The following SLC9A5 variants were observed in gnomAD, a reference collection of about 807,000 sequenced individuals.
SLC9A5 encodes the protein solute carrier family 9 member A5, also known as sodium/hydrogen exchanger 5.
SLC9A5 carries 52 observed loss-of-function variants against 91.7 expected under a neutral mutation model. That is an observed-to-expected ratio of 0.57 (90% CI 0.45 to 0.71). SLC9A5 has a LOEUF of 0.71. Among genes scored for constraint, SLC9A5 ranks in the 30% least tolerant of loss-of-function variants. SLC9A5 has a pLI of 0.00. For synonymous variants in SLC9A5, 419 were observed against 474.5 expected (o/e 0.88, Z 1.52); for missense variants, 871 against 1,158.9 (o/e 0.75, Z 3.61).
chr16:67,271,341 A>T lies in SLC9A5; in HGVS notation c.*131A>T, dbSNP rs1424689086. On this transcript the variant is annotated 3_prime_UTR_variant, in exon 16 of 16. Coordinates refer to ENST00000299798, the MANE Select transcript of SLC9A5 (RefSeq NM_004594.3). The stretch of plus-strand genomic sequence containing the variant: ...TGAAGTAGTAATTGGGCTTCCTTGG[A>T]GCTAGTCAGAGGGGTCACCTAAGCT... 6 of 791,188 alleles carry T rather than the reference A, an allele frequency of 7.6e-6. No homozygotes were observed. 49.0% of individuals were successfully genotyped at this position (791,188 alleles called of 1,614,324 possible). A position where few individuals can be genotyped will look rare whatever the true frequency, so the allele number is the denominator to read the frequency against.
rs1198784737 is a variant in SLC9A5 at position 67,256,267 on chromosome 16, A to G, written c.912-202A>G. ...GCACGTTCCTTCCACCTTCCCTTCC[A>G]GGAGACACTGAATGGGAAGCCTGGA... On this transcript the variant is annotated intron_variant, in intron 5 of 15. Coordinates refer to ENST00000299798, the MANE Select transcript of SLC9A5 (RefSeq NM_004594.3). The surrounding 1 kb of genome is among the most constrained non-coding windows in gnomAD (Gnocchi z 4.1). Among the ~76,000 whole-genome samples, 1 of 152,162 alleles carries G rather than the reference A, an allele frequency of 6.6e-6. No homozygotes were observed. Among genetic ancestry groups the G allele is most frequent in the Non-Finnish European group, 1.5e-5 (1 of 68,024 alleles).
Position 67,259,815 on chromosome 16 carries a change from T to C in SLC9A5, c.1716-5T>C, listed in dbSNP as rs774181300. ...TCCAGCACATGTGTCCCCTGCCTCC[T>C]GCAGGAGGGAGAGTGGCAGTGGAGC... On this transcript the variant is annotated splice_region_variant and splice_polypyrimidine_tract_variant and intron_variant, in intron 11 of 15. Coordinates refer to ENST00000299798, the MANE Select transcript of SLC9A5 (RefSeq NM_004594.3). 1.9e-5 allele frequency: 30 copies of C among 1,613,938 alleles called. No homozygotes were observed. The highest frequency in any genetic ancestry group is 2.5e-5 in the Non-Finnish European group (29 of 1,179,846).
rs1278108133 is a variant in SLC9A5, at chr16:67,259,609, C to T, written c.1663C>T (p.Pro555Ser). Residue 555 changes from proline (P) to serine (S), a missense_variant, in exon 11 of 16, where the codon CCT (proline) becomes TCT (serine). Physicochemically the swap from Pro to Ser is moderately conservative, Grantham distance 74 (BLOSUM62 -1). Coordinates refer to ENST00000299798, the MANE Select transcript of SLC9A5 (RefSeq NM_004594.3). ...CTTGTCTTCCACAGGTCTCACTCTG[C>T]CTTCTATGCCCAGCCGCAATTCTGT... ...HVLSSTGLTLPSMPSRNSVAE... is the reference protein window; with the variant it reads ...HVLSSTGLTLSSMPSRNSVAE... 12 of 1,614,168 alleles carry T rather than the reference C, an allele frequency of 7.4e-6. No homozygotes were observed. The highest frequency in any genetic ancestry group is 1.0e-5 in the Non-Finnish European group (12 of 1,180,038).
In SLC9A5 at chr16:67,267,931, C is replaced by T. The variant is rs1009707460; in HGVS notation, c.2218+1706C>T. Among the ~76,000 whole-genome samples, 3 of 152,230 alleles carry T rather than the reference C, an allele frequency of 2.0e-5. No individual in the cohort carries two copies. In the East Asian group the frequency reaches 5.8e-4, roughly 29 times the overall value. Reference sequence around the variant, plus strand: ...CTAAACCTCACCTATGCCCCACCCTCCACTGGGTTCCTTTGATGCAAGTCT... The same window carrying T: ...CTAAACCTCACCTATGCCCCACCCTTCACTGGGTTCCTTTGATGCAAGTCT... On this transcript the variant is annotated intron_variant, in intron 15 of 15. Coordinates refer to ENST00000299798, the MANE Select transcript of SLC9A5 (RefSeq NM_004594.3).
intron 12 of SLC9A5, chr16:67,261,999 C>T (rs2035547048): frequency 3.4e-6 from 1 of 295,816 alleles, no homozygotes; most frequent in Non-Finnish European, 6.7e-6. Flanking sequence ...TGGGTTCAGT[C>T]CAATCGGTTC....
Position 67,256,339 on chromosome 16 carries a change from C to A in SLC9A5, c.912-130C>A, listed in dbSNP as rs2035317180. 7 of 677,916 alleles carry A rather than the reference C, an allele frequency of 1.0e-5. No individual in the cohort carries two copies. The highest frequency in any genetic ancestry group is 1.8e-5 in the Non-Finnish European group (7 of 385,562). 42.0% of individuals were successfully genotyped at this position (677,916 alleles called of 1,614,324 possible). On this transcript the variant is annotated intron_variant, in intron 5 of 15. Transcript: ENST00000299798. The surrounding 1 kb of genome is among the most constrained non-coding windows in gnomAD (Gnocchi z 4.1). ...ACTACCATTCAAGTCTTCAGGCCTC[C>A]CTGGGCTTCAGCTCTGAGAGTCTGA...
chr16:67,255,648 G>A lies in SLC9A5; in HGVS notation c.734-105G>A. 7.3e-7 allele frequency: 1 copy of A among 1,373,028 alleles called. No individual in the cohort carries two copies. The highest frequency in any genetic ancestry group is 1.0e-6 in the Non-Finnish European group (1 of 995,344). The allele number at this position is 1,373,028 out of a possible 1,614,324, so 85.1% of individuals were successfully genotyped here. On this transcript the variant is annotated intron_variant, in intron 4 of 15. Coordinates refer to ENST00000299798, the MANE Select transcript of SLC9A5 (RefSeq NM_004594.3). This position sits in a 1 kb window ranked among gnomAD's most constrained non-coding sequence, Gnocchi z 4.9. ...CCTGGCTCTGGGGTTTTGAGCCCCT[G>A]GGAGTGCGGTGGGCATCATCCCTCA...
intron 13 of SLC9A5, 134 bp downstream of exon 13, chr16:67,264,656 G>A: frequency 1.2e-6 from 1 of 841,686 alleles, no homozygotes; most frequent in Non-Finnish European, 1.9e-6. Flanking sequence ...GACTACAGCA[G>A]TTTGGGTTCC....
rs397932908 is a variant in SLC9A5 at position 67,260,354 on chromosome 16, C to CAAAAAAAAAAAAAA, written c.1842+418_1842+431dup. ...TGGGTAACAGAGCAAGACTCCATCT[C>CAAAAAAAAAAAAAA]AAAAAAAAAAAAAAAAAAAAAAAGA... On this transcript the variant is annotated intron_variant, in intron 12 of 15. Coordinates refer to ENST00000299798, the MANE Select transcript of SLC9A5 (RefSeq NM_004594.3). Among the ~76,000 whole-genome samples the CAAAAAAAAAAAAAA allele has an allele frequency of 5.2e-3, 174 of 33,430 alleles. 29 individuals carry two copies. Among genetic ancestry groups the CAAAAAAAAAAAAAA allele is most frequent in the African/African-American group, 0.027 (141 of 5,162 alleles). The allele number at this position is 33,430 out of a possible 152,430, so 21.9% of individuals were successfully genotyped here.
At chr16:67,263,459 G>T in intron 12 of SLC9A5, 1 of 149,814 alleles carries the variant, frequency 6.7e-6, no homozygotes. Flanking sequence ...CAGTCTAGGT[G>T]AGTGTGTAGC....
intron 10 of SLC9A5, among the ~76,000 whole-genome samples, chr16:67,259,361 CAAAAAAAAAAA>C (rs764650700): frequency 1.6e-4 from 7 of 43,362 alleles, no homozygotes; most frequent in Admixed American, 5.1e-4. Context: ...GACTCTGTCT[CAAAAAAAAAAA>C]AAAAAAAAAA....
chr16:67,269,514 C>G (rs1383841410), intron 15 of SLC9A5, among the ~76,000 whole-genome samples: 1 of 152,138 alleles, frequency 6.6e-6, no homozygotes, highest in African/African-American at 2.4e-5. Flanking sequence ...ATGCTTGATT[C>G]TTTCATTTAT....
intron 12 of SLC9A5, among the ~76,000 whole-genome samples, chr16:67,260,700 G>T (rs750307520): frequency 2.0e-5 from 3 of 152,180 alleles, no homozygotes; most frequent in Non-Finnish European, 4.4e-5. Flanking sequence ...ACAGAAGCAA[G>T]AGCACTGAGG....
rs564419718 is a variant in SLC9A5 at position 67,271,654 on chromosome 16, C to A, written c.*444C>A. On this transcript the variant is annotated 3_prime_UTR_variant, in exon 16 of 16. Transcript: ENST00000299798. ...GGTCAGTGGTGTCCTGGCAGTGAGGCTCCGTGAGGGGCTGGCCCTTAGAGG... is the reference window on the plus strand; with the variant it reads ...GGTCAGTGGTGTCCTGGCAGTGAGGATCCGTGAGGGGCTGGCCCTTAGAGG... The A allele has an allele frequency of 1.3e-4, 23 of 174,002 alleles. No homozygotes were observed. The East Asian group carries it at 3.7e-3, about 28-fold the overall frequency. The allele number at this position is 174,002 out of a possible 1,614,324, so 10.8% of individuals were successfully genotyped here. A position where few individuals can be genotyped will look rare whatever the true frequency, so the allele number is the denominator to read the frequency against.
Position 67,257,062 on chromosome 16 carries a change from C to G in SLC9A5, c.1284C>G (p.Asp428Glu). The G allele has an allele frequency of 6.2e-7, 1 of 1,613,268 alleles. No homozygotes were observed. The highest frequency in any genetic ancestry group is 1.1e-5 in the South Asian group (1 of 91,088). Residue 428 changes from aspartate to glutamate, a missense_variant, in exon 7 of 16, where the codon GAC (aspartate) becomes GAG (glutamate). Transcript: ENST00000299798. This position sits in a 1 kb window ranked among gnomAD's most constrained non-coding sequence, Gnocchi z 5.1. ...LLDRTKVPAK[D>E]YFVATTIVVV... ...ATAGGACCAAGGTCCCTGCCAAGGA[C>G]TACTTTGTAGCCACCACTATTGTAG...
chr16:67,254,858 A>C (rs2035251561), intron 2 of SLC9A5, among the ~76,000 whole-genome samples, 163 bp from the exon 3 acceptor site: 1 of 152,216 alleles, frequency 6.6e-6, no homozygotes, highest in African/African-American at 2.4e-5. Flanking sequence ...GCTTGACTGA[A>C]GTCTCCTGAT....
rs1310980656 is a variant in SLC9A5, at chr16:67,252,739, T to C, written c.385T>C (p.Phe129Leu). The change falls in exon 2 of 16, where the codon TTT becomes CTT. Residue 129 changes from phenylalanine to leucine, a missense_variant. This residue lies in a region of SLC9A5 where 454 missense variants were observed against 718.3 expected (regional missense o/e 0.63). Transcript: ENST00000299798. The surrounding 1 kb of genome is among the most constrained non-coding windows in gnomAD (Gnocchi z 4.0). ...SGYFMPSRLF[F>L]DNLGAILTYA... ...CTATTTCATGCCTAGCAGGCTGTTC[T>C]TTGACAACTTGGGTGCCATCCTCAC... The C allele has an allele frequency of 6.2e-7, 1 of 1,614,224 alleles. No homozygotes were observed. Among genetic ancestry groups the C allele is most frequent in the East Asian group, 2.2e-5 (1 of 44,892 alleles).
chr16:67,261,081 C>G (rs2035516220), intron 12 of SLC9A5: 1 of 152,216 alleles, frequency 6.6e-6, no homozygotes, highest in African/African-American at 2.4e-5. Flanking sequence ...GAATCTCTTA[C>G]CTCCTGGTAT....
intron 15 of SLC9A5, 38 bp downstream of exon 15, chr16:67,266,263 A>G: frequency 6.4e-7 from 1 of 1,551,306 alleles, no homozygotes; most frequent in Non-Finnish European, 8.7e-7. Flanking sequence ...CCTCTGGAGC[A>G]AGCTGGTTTC....
Sources: gnomAD v4.1 joint callset for allele counts (sites outside exome capture counted in the v4.1 genomes callset) on GRCh38, gnomAD v4.1.1 for gene constraint, gnomAD v4.1.1 regional missense constraint, Gnocchi (gnomAD v3.1) non-coding constraint, MANE v1.5 for transcripts, NCBI Gene and HGNC (gene_info 2026-07-23, HGNC 2026-07-21) for gene names.